The following TEK variants were observed in gnomAD, a reference collection of about 807,000 sequenced individuals.
The protein encoded by TEK is angiopoietin-1 receptor.
TEK carries 43 observed loss-of-function variants against 131.8 expected under a neutral mutation model. The ratio of observed to expected loss-of-function variants is 0.33; its 90% CI spans 0.26 to 0.42. TEK has a LOEUF of 0.42. Among genes scored for constraint, TEK ranks in the 10% least tolerant of loss-of-function variants. The pLI is 1.00. For synonymous variants in TEK, 580 were observed against 491.6 expected, an observed-to-expected ratio of 1.18 and a Z score of -2.38; for missense variants, 1,162 against 1,384.4, an observed-to-expected ratio of 0.84 and a Z score of 2.55.
At chr9:27,167,645 T>C (rs1272245908) in intron 2 of TEK, among the ~76,000 whole-genome samples, 2 of 152,234 alleles carry the variant, frequency 1.3e-5, no homozygotes, top group Admixed American at 6.5e-5. Flanking sequence ...GAAGGCAAGA[T>C]ATTAGATTCC....
chr9:27,123,456 GTT>G (rs1821876155), intron 1 of TEK, among the ~76,000 whole-genome samples: 1 of 152,130 alleles, frequency 6.6e-6, no homozygotes, highest in Non-Finnish European at 1.5e-5. Flanking sequence ...CGATATTTTA[GTT>G]TTATAAATAC....
chr9:27,209,255 T>G, intron 16 of TEK, 24 bp downstream of exon 16: 2 of 1,519,124 alleles, frequency 1.3e-6, no homozygotes, highest in Non-Finnish European at 1.8e-6. Flanking sequence ...TTCCTGTCTT[T>G]CCTGCCAGAG....
intron 1 of TEK, among the ~76,000 whole-genome samples, chr9:27,137,746 T>C (rs931821151): frequency 2.9e-4 from 44 of 152,216 alleles, no homozygotes; most frequent in Non-Finnish European, 4.6e-4. Flanking sequence ...TATTGTGAAT[T>C]CTACCCACAC....
intron 10 of TEK, 115 bp downstream of exon 10, chr9:27,190,805 C>T: frequency 7.0e-7 from 1 of 1,433,434 alleles, no homozygotes; most frequent in Non-Finnish European, 9.7e-7. Flanking sequence ...AAGGTGGTGG[C>T]TGTTGCAGAG....
At chr9:27,110,208 T>A (rs1821283350) in intron 1 of TEK, among the ~76,000 whole-genome samples, 1 of 150,116 alleles carries the variant, frequency 6.7e-6, no homozygotes, top group Non-Finnish European at 1.5e-5. Flanking sequence ...TCAGGGAGAT[T>A]GGGGCTATTA....
intron 18 of TEK, among the ~76,000 whole-genome samples, chr9:27,215,643 G>A (rs942186623): frequency 4.0e-5 from 6 of 151,066 alleles, no homozygotes; most frequent in African/African-American, 7.3e-5. Flanking sequence ...GCAATTTGGG[G>A]TTTCACTATC....
Position 27,229,369 on chromosome 9 carries a change from C to CAGTGG in TEK, c.*137_*138insAGTGG. 2 of 802,202 alleles carry CAGTGG rather than the reference C, an allele frequency of 2.5e-6. No individual in the cohort carries two copies. Among genetic ancestry groups the CAGTGG allele is most frequent in the Non-Finnish European group, 4.4e-6 (2 of 458,216 alleles). 49.7% of individuals were successfully genotyped at this position (802,202 alleles called of 1,614,324 possible). ...TGCTGTACACCTGGGACCTTCACCA[C>CAGTGG]TGTAGATCCCATGCATGGATCTATG... On this transcript the variant is annotated 3_prime_UTR_variant, in exon 23 of 23. Coordinates refer to ENST00000380036, the MANE Select transcript of TEK (RefSeq NM_000459.5).
intron 1 of TEK, among the ~76,000 whole-genome samples, chr9:27,126,693 C>T (rs189666033): frequency 6.6e-6 from 1 of 152,200 alleles, no homozygotes; most frequent in Non-Finnish European, 1.5e-5. Flanking sequence ...GCTCCACTAA[C>T]TGAAATGAGA....
At chr9:27,155,181 A>T (rs1823284930) in intron 1 of TEK, among the ~76,000 whole-genome samples, 1 of 152,064 alleles carries the variant, frequency 6.6e-6, no homozygotes, top group Non-Finnish European at 1.5e-5. Flanking sequence ...AGTGGTGTTC[A>T]CTCAGAGTCA....
At chr9:27,120,482 T>C (rs1326264637) in intron 1 of TEK, among the ~76,000 whole-genome samples, 1 of 152,254 alleles carries the variant, frequency 6.6e-6, no homozygotes, top group Admixed American at 6.5e-5. Flanking sequence ...GCAGGTGGAT[T>C]ATGTGGGATA....
intron 18 of TEK, among the ~76,000 whole-genome samples, chr9:27,215,749 C>T (rs1825801631): frequency 1.3e-5 from 2 of 151,002 alleles, no homozygotes; most frequent in Admixed American, 1.3e-4. Flanking sequence ...GACACAGTCT[C>T]CACCTTCAAA....
chr9:27,204,856 G>A, intron 13 of TEK, 55 bp from the exon 14 acceptor site: 1 of 1,610,266 alleles, frequency 6.2e-7, no homozygotes, highest in Non-Finnish European at 8.5e-7. Flanking sequence ...TACGGTGTGG[G>A]TCTGTTTCTC....
intron 1 of TEK, among the ~76,000 whole-genome samples, chr9:27,112,284 A>C (rs571764061): frequency 3.9e-5 from 6 of 152,328 alleles, no homozygotes; most frequent in African/African-American, 9.6e-5. Context: ...TTGTAAGGTC[A>C]GGGAAGTGCT....
chr9:27,200,150 C>T (rs1258707037), intron 12 of TEK, among the ~76,000 whole-genome samples: 3 of 152,058 alleles, frequency 2.0e-5, no homozygotes, highest in Non-Finnish European at 4.4e-5. Flanking sequence ...GTATCATATG[C>T]CAGGTTCTCA....
At chr9:27,154,861 G>A (rs1375503636) in intron 1 of TEK, among the ~76,000 whole-genome samples, 2 of 152,184 alleles carry the variant, frequency 1.3e-5, no homozygotes, top group African/African-American at 4.8e-5. Flanking sequence ...TTCCGTCACT[G>A]AAAGTAAAGG....
At chr9:27,150,471 A>C (rs1187200734) in intron 1 of TEK, among the ~76,000 whole-genome samples, 2 of 151,768 alleles carry the variant, frequency 1.3e-5, no homozygotes. Flanking sequence ...AGCTGGGGGG[A>C]GGGGTGTTGC....
chr9:27,181,061 A>G (rs1252151666), intron 7 of TEK, among the ~76,000 whole-genome samples: 1 of 152,080 alleles, frequency 6.6e-6, no homozygotes, highest in Non-Finnish European at 1.5e-5. Flanking sequence ...CAATCATCCT[A>G]ATTTCTGACA....
At chr9:27,166,274 A>G (rs919076258) in intron 2 of TEK, among the ~76,000 whole-genome samples, 11 of 152,246 alleles carry the variant, frequency 7.2e-5, no homozygotes, top group Non-Finnish European at 1.3e-4. Context: ...TCTGGTAAAT[A>G]ATGTGTATTT....
At position 27,172,604 on chromosome 9, in the gene TEK, C is replaced by G. The variant is rs1476000865; in HGVS notation, c.629-12C>G. On this transcript the variant is annotated splice_polypyrimidine_tract_variant and intron_variant, in intron 4 of 22. Transcript: ENST00000380036. ...GCTCTACTCACCACAGCCTTGTTTT[C>G]CTTAACAAAAGGATGTGAAGCCCAG... 6.2e-7 allele frequency: 1 copy of G among 1,613,080 alleles called. No homozygotes were observed. Among genetic ancestry groups the G allele is most frequent in the Non-Finnish European group, 8.5e-7 (1 of 1,179,362 alleles).
Sources: allele counts gnomAD v4.1 joint callset (sites outside exome capture counted in the v4.1 genomes callset), GRCh38; gene constraint gnomAD v4.1.1; transcripts MANE v1.5; gene names NCBI Gene and HGNC (gene_info 2026-07-23, HGNC 2026-07-21).